Variants in SPON1 observed in about 807,000 individuals in gnomAD.
The protein encoded by SPON1 is spondin 1.
A neutral mutation model predicts 111.7 loss-of-function variants in SPON1; 52 were observed. That is an observed-to-expected ratio of 0.47 (90% CI 0.37 to 0.59). The LOEUF is 0.59. Ranked by LOEUF, SPON1 falls within the 20% of genes least tolerant of loss-of-function variation. SPON1 has a pLI of 0.00. For missense variants in SPON1, 957 were observed against 1,068.5 expected (o/e 0.90, Z 1.46); for synonymous variants, 410 against 395.8 (o/e 1.04, Z -0.43).
chr11:14,113,490 T>A (rs971112118), intron 5 of SPON1, among the ~76,000 whole-genome samples: 1 of 148,558 alleles, frequency 6.7e-6, no homozygotes. Flanking sequence ...TAGACACTCA[T>A]CAATCAACCA....
intron 3 of SPON1, 52 bp downstream of exon 3, chr11:14,041,706 G>A: frequency 4.4e-6 from 7 of 1,576,482 alleles, no homozygotes; most frequent in Non-Finnish European, 6.0e-6. Flanking sequence ...TTTGTGGTGT[G>A]ATTGCAGGGA....
chr11:14,193,349 G>GCCACC (rs1238187195), intron 6 of SPON1, among the ~76,000 whole-genome samples: 1 of 152,102 alleles, frequency 6.6e-6, no homozygotes, highest in African/African-American at 2.4e-5. Context: ...GCACTGCCAC[G>GCCACC]CCACCCCAAT....
chr11:14,027,040 G>A (rs1042549718), intron 2 of SPON1, among the ~76,000 whole-genome samples: 1 of 152,192 alleles, frequency 6.6e-6, no homozygotes, highest in Admixed American at 6.5e-5. Flanking sequence ...AAAGCCTGCA[G>A]CCTGGGATGA....
intron 14 of SPON1, among the ~76,000 whole-genome samples, chr11:14,261,412 G>A (rs782430930): frequency 7.9e-5 from 12 of 152,146 alleles, no homozygotes; most frequent in African/African-American, 1.2e-4. Context: ...ACTTGCAGTC[G>A]TTCATCCTCC....
chr11:14,012,797 A>G (rs531871170), intron 2 of SPON1, among the ~76,000 whole-genome samples: 4 of 152,146 alleles, frequency 2.6e-5, no homozygotes, highest in East Asian at 1.9e-4. Context: ...AGGACAAAGC[A>G]TGTTTTAATC....
At chr11:14,159,616 G>C (rs765740424) in intron 6 of SPON1, among the ~76,000 whole-genome samples, 1 of 152,008 alleles carries the variant, frequency 6.6e-6, no homozygotes, top group Non-Finnish European at 1.5e-5. Context: ...CACAATAGCC[G>C]CAATTTGGAA....
chr11:14,145,045 G>T (rs797042642), intron 6 of SPON1, among the ~76,000 whole-genome samples: 7 of 152,290 alleles, frequency 4.6e-5, no homozygotes, highest in African/African-American at 1.7e-4. Flanking sequence ...ACTCAGAGTG[G>T]TGATAGGGTA....
intron 6 of SPON1, among the ~76,000 whole-genome samples, chr11:14,227,743 A>T (rs372663502): frequency 1.3e-5 from 2 of 152,226 alleles, no homozygotes; most frequent in East Asian, 1.9e-4. Context: ...ACCAATGAGA[A>T]AATCAAGGCT....
intron 2 of SPON1, among the ~76,000 whole-genome samples, chr11:14,023,011 T>C (rs1554914910): frequency 6.6e-6 from 1 of 152,102 alleles, no homozygotes; most frequent in Non-Finnish European, 1.5e-5. Flanking sequence ...GGCGGGATCA[T>C]GTAGGATGAC....
In SPON1 at chr11:14,260,589, C is replaced by T; in HGVS notation, c.1833C>T (p.His611=). The T allele has an allele frequency of 1.9e-6, 3 of 1,612,990 alleles. No individual in the cohort carries two copies. Among genetic ancestry groups the T allele is most frequent in the Non-Finnish European group, 2.5e-6 (3 of 1,179,286 alleles). Reference sequence around the variant, plus strand: ...TGGCAAACCTGGTTCTTGATCTAGACACCATCCCATGCTTGCTGTCCCCAT... The same window carrying T: ...TGGCAAACCTGGTTCTTGATCTAGATACCATCCCATGCTTGCTGTCCCCAT... ...QAEKCMMPEC[H]TIPCLLSPWS... is the part of the protein sequence containing the mutation. The change falls in exon 14 of 16, where the codon CAC becomes CAT. Residue 611 remains histidine (H), a splice_region_variant and synonymous_variant. Coordinates refer to ENST00000576479, the MANE Select transcript of SPON1 (RefSeq NM_006108.4).
chr11:14,265,472 C>T, intron 15 of SPON1, 52 bp from the exon 16 acceptor site: 1 of 1,567,400 alleles, frequency 6.4e-7, no homozygotes, highest in Non-Finnish European at 8.7e-7. Flanking sequence ...AGTTCAGCAT[C>T]CCTGTTCCGT....
At chr11:14,104,904 TTACTC>T (rs1466861351) in intron 5 of SPON1, among the ~76,000 whole-genome samples, 6 of 152,150 alleles carry the variant, frequency 3.9e-5, no homozygotes, top group African/African-American at 1.2e-4. Flanking sequence ...TACAGCTTCT[TTACTC>T]TATGGTATGT....
chr11:13,974,728 A>T (rs1174768298), intron 1 of SPON1, among the ~76,000 whole-genome samples: 1 of 152,148 alleles, frequency 6.6e-6, no homozygotes, highest in African/African-American at 2.4e-5. Context: ...ATCTTCCTAA[A>T]CCATAAATCT....
chr11:14,088,017 T>A (rs1222165495), intron 5 of SPON1, among the ~76,000 whole-genome samples: 2 of 152,222 alleles, frequency 1.3e-5, no homozygotes, highest in Non-Finnish European at 2.9e-5. Flanking sequence ...TTTGAGCCTA[T>A]GTGTGCCTTT....
chr11:14,013,911 T>G (rs1193508162), intron 2 of SPON1, among the ~76,000 whole-genome samples: 3 of 152,196 alleles, frequency 2.0e-5, no homozygotes, highest in Non-Finnish European at 4.4e-5. Context: ...TGTTTCTTCC[T>G]TGGGTGTTTT....
intron 7 of SPON1, among the ~76,000 whole-genome samples, chr11:14,253,735 T>C (rs1040307128): frequency 1.3e-5 from 2 of 152,254 alleles, no homozygotes; most frequent in Admixed American, 1.3e-4. Context: ...CCCTCCTAGC[T>C]GTGTCTATTA....
chr11:14,265,200 T>C (rs1554942331), intron 15 of SPON1, among the ~76,000 whole-genome samples: 1 of 152,144 alleles, frequency 6.6e-6, no homozygotes, highest in Non-Finnish European at 1.5e-5. Flanking sequence ...CTTGCTTACA[T>C]GGTAGTAGAA....
At chr11:14,072,831 G>A (rs1440285011) in intron 3 of SPON1, among the ~76,000 whole-genome samples, 1 of 152,072 alleles carries the variant, frequency 6.6e-6, no homozygotes, top group Non-Finnish European at 1.5e-5. Context: ...GAGCAGATCT[G>A]ATCATCTTAG....
chr11:14,171,280 G>A (rs1331694719), intron 6 of SPON1, among the ~76,000 whole-genome samples: 46 of 152,210 alleles, frequency 3.0e-4, no homozygotes, highest in African/African-American at 3.4e-4. Context: ...GTTTATTTGC[G>A]TAGAGGTGTT....
Sources: gnomAD v4.1 joint callset for allele counts (sites outside exome capture counted in the v4.1 genomes callset) on GRCh38, gnomAD v4.1.1 for gene constraint, MANE v1.5 for transcripts, NCBI Gene and HGNC (gene_info 2026-07-23, HGNC 2026-07-21) for gene names.